FSTL5: variants seen among roughly 807,000 people sequenced by gnomAD.
The protein encoded by FSTL5 is follistatin like 5.
In FSTL5, 62 loss-of-function variants were observed where a neutral mutation model predicts 89.1. The observed-to-expected ratio is 0.70, with a 90% confidence interval of 0.57 to 0.86. The LOEUF is 0.86. FSTL5 is among the 40% of genes least tolerant of loss of function. The pLI is 0.00. For missense variants in FSTL5, 1,057 were observed against 1,001.6 expected (o/e 1.06, Z -0.75); for synonymous variants, 383 against 346.2 (o/e 1.11, Z -1.18).
intron 15 of FSTL5, among the ~76,000 whole-genome samples, chr4:161,440,984 A>G (rs1469734051): frequency 6.6e-6 from 1 of 152,156 alleles, no homozygotes; most frequent in African/African-American, 2.4e-5. Context: ...ATAAGGTAAT[A>G]AGCACACAAG....
chr4:162,143,300 T>C (rs1732822423), intron 1 of FSTL5, among the ~76,000 whole-genome samples: 1 of 152,150 alleles, frequency 6.6e-6, no homozygotes, highest in African/African-American at 2.4e-5. Flanking sequence ...TATTTAGGCA[T>C]TGGAATAAGT....
intron 7 of FSTL5, among the ~76,000 whole-genome samples, chr4:161,629,168 C>G (rs746078057): frequency 1.7e-4 from 26 of 152,254 alleles, no homozygotes; most frequent in Non-Finnish European, 3.4e-4. Flanking sequence ...TAAGTCTCAC[C>G]ACAAGCTGTT....
intron 10 of FSTL5, among the ~76,000 whole-genome samples, chr4:161,514,436 TA>T (rs1205904503): frequency 6.6e-6 from 1 of 151,968 alleles, no homozygotes; most frequent in Non-Finnish European, 1.5e-5. Flanking sequence ...CACATGGACA[TA>T]AAAAAGAAAC....
chr4:162,021,608 T>C (rs1049227639), intron 3 of FSTL5, among the ~76,000 whole-genome samples: 2 of 152,106 alleles, frequency 1.3e-5, no homozygotes, highest in Admixed American at 6.6e-5. Context: ...AGCCTTAGTA[T>C]GAAAGAATGA....
chr4:161,989,692 A>T (rs1270572075), intron 3 of FSTL5, among the ~76,000 whole-genome samples: 3 of 152,144 alleles, frequency 2.0e-5, no homozygotes, highest in Admixed American at 2.0e-4. Flanking sequence ...AAGTATAGGG[A>T]CAGAGAATGG....
chr4:161,560,934 A>G (rs2126570405), intron 8 of FSTL5, among the ~76,000 whole-genome samples: 1 of 152,032 alleles, frequency 6.6e-6, no homozygotes, highest in Middle Eastern at 3.4e-3. Context: ...ATAGTCATTT[A>G]TTATTATTAT....
chr4:161,565,742 GACACACACACACACACACACAC>G (rs145835055), intron 8 of FSTL5, among the ~76,000 whole-genome samples: 5 of 133,572 alleles, frequency 3.7e-5, no homozygotes, highest in Admixed American at 7.8e-5. Flanking sequence ...TATAACTTGA[GACACACACACACACACACACAC>G]ACACACACAC....
chr4:162,104,240 T>C (rs569473773), intron 2 of FSTL5, among the ~76,000 whole-genome samples: 1 of 152,284 alleles, frequency 6.6e-6, no homozygotes, highest in African/African-American at 2.4e-5. Context: ...TTCATCCTAA[T>C]GGAGCTGAAC....
chr4:161,458,996 A>G (rs1385183139), intron 14 of FSTL5, among the ~76,000 whole-genome samples: 1 of 152,172 alleles, frequency 6.6e-6, no homozygotes, highest in Non-Finnish European at 1.5e-5. Flanking sequence ...CTTTTCGCAT[A>G]TAAATATAAC....
chr4:161,932,762 C>G (rs141346161), intron 3 of FSTL5, among the ~76,000 whole-genome samples: 16 of 151,976 alleles, frequency 1.1e-4, no homozygotes, highest in African/African-American at 3.6e-4. Context: ...AATCTTCACT[C>G]ATTCATAAAA....
At chr4:161,619,526 C>T (rs1044064039) in intron 7 of FSTL5, among the ~76,000 whole-genome samples, 41 of 152,188 alleles carry the variant, frequency 2.7e-4, no homozygotes, top group African/African-American at 9.4e-4. Flanking sequence ...AAAAAGTGGG[C>T]GAAGGACATG....
chr4:161,961,111 A>T (rs1054941642), intron 3 of FSTL5, among the ~76,000 whole-genome samples: 1 of 151,958 alleles, frequency 6.6e-6, no homozygotes, highest in African/African-American at 2.4e-5. Context: ...CTTCGATTAT[A>T]TCTTTCTTTC....
intron 4 of FSTL5, among the ~76,000 whole-genome samples, chr4:161,898,812 G>A (rs2110783385): frequency 6.6e-6 from 1 of 151,816 alleles, no homozygotes; most frequent in East Asian, 1.9e-4. Context: ...TGTATTTTTA[G>A]TAGAGACGGG....
chr4:161,995,133 T>C (rs1578929342), intron 3 of FSTL5, among the ~76,000 whole-genome samples: 1 of 152,106 alleles, frequency 6.6e-6, no homozygotes, highest in Middle Eastern at 3.4e-3. Flanking sequence ...TTAATAGAGG[T>C]GTACTCTGAT....
At position 161,536,387 on chromosome 4, in the gene FSTL5, C is replaced by T. The variant is rs367643247; in HGVS notation, c.1312+1779G>A. On this transcript the variant is annotated intron_variant, in intron 10 of 15. Transcript: ENST00000306100. Reference sequence around the variant, plus strand: ...TCCACAATCCTTAAGATGGGGGTTACAAAAGGCAGTAATTTTCACTACTAT... The same window carrying T: ...TCCACAATCCTTAAGATGGGGGTTATAAAAGGCAGTAATTTTCACTACTAT... Among the ~76,000 whole-genome samples the T allele has an allele frequency of 3.3e-5, 5 of 152,182 alleles. No individual in the cohort carries two copies. In the East Asian group the frequency reaches 9.7e-4, roughly 29 times the overall value.
intron 2 of FSTL5, among the ~76,000 whole-genome samples, chr4:162,059,813 C>T (rs1346559126): frequency 1.3e-5 from 2 of 152,066 alleles, no homozygotes; most frequent in Non-Finnish European, 2.9e-5. Context: ...AGATGGACTG[C>T]AAAGAAGATC....
At chr4:162,162,008 A>T (rs1398815383) in intron 1 of FSTL5, among the ~76,000 whole-genome samples, 1 of 152,074 alleles carries the variant, frequency 6.6e-6, no homozygotes, top group South Asian at 2.1e-4. Context: ...TTGTATGAAT[A>T]TTTAATTTAA....
At chr4:161,773,947 T>A (rs1490921766) in intron 5 of FSTL5, among the ~76,000 whole-genome samples, 1 of 152,108 alleles carries the variant, frequency 6.6e-6, no homozygotes, top group Non-Finnish European at 1.5e-5. Flanking sequence ...CCCACATCCA[T>A]CATTCAATGA....
intron 2 of FSTL5, among the ~76,000 whole-genome samples, chr4:162,043,001 A>G: frequency 6.6e-6 from 1 of 150,862 alleles, no homozygotes; most frequent in East Asian, 2.0e-4. Context: ...ATGCTAGATG[A>G]CGAGTTAGTG....
Sources: gnomAD v4.1 joint callset for allele counts (sites outside exome capture counted in the v4.1 genomes callset) on GRCh38, gnomAD v4.1.1 for gene constraint, MANE v1.5 for transcripts, NCBI Gene and HGNC (gene_info 2026-07-23, HGNC 2026-07-21) for gene names.